The following NTM variants were observed in gnomAD, a reference collection of about 807,000 sequenced individuals.
NTM encodes the protein IgLON family member 2.
A neutral mutation model predicts 42.1 loss-of-function variants in NTM; 13 were observed. The observed-to-expected ratio is 0.31, with a 90% CI of 0.20 to 0.49. The LOEUF is 0.49. Ranked by LOEUF, NTM falls within the 20% of genes least tolerant of loss-of-function variation. The pLI is 0.99. For synonymous variants in NTM, 187 were observed against 179.2 expected, an observed-to-expected ratio of 1.04 and a Z score of -0.35; for missense variants, 373 against 452.8, an observed-to-expected ratio of 0.82 and a Z score of 1.60.
intron 1 of NTM, among the ~76,000 whole-genome samples, chr11:131,822,658 A>T (rs147602912): frequency 0.014 from 2,143 of 152,274 alleles, 48 homozygotes; most frequent in African/African-American, 0.048. Context: ...TCATGGTGTC[A>T]ATGTAATGTG....
In NTM at chr11:132,314,571, G is replaced by A. The variant is rs1377376069; in HGVS notation, c.802G>A (p.Gly268Arg). The A allele has an allele frequency of 6.2e-7, 1 of 1,612,618 alleles. No homozygotes were observed. Among genetic ancestry groups the A allele is most frequent in the Non-Finnish European group, 8.5e-7 (1 of 1,179,394 alleles). ...TCTCAGACTGATTGAAGGAAAGAAA[G>A]GGGTGAAAGTGGAAAACAGACCTTT... Reference protein sequence around the residue: ...DDKRLIEGKKGVKVENRPFLS... With the variant: ...DDKRLIEGKKRVKVENRPFLS... The change falls in exon 7 of 9, where the codon GGG becomes AGG. Residue 268 changes from glycine to arginine, a missense_variant. Coordinates refer to ENST00000683400, the MANE Select transcript of NTM (RefSeq NM_001352005.2).
intron 1 of NTM, among the ~76,000 whole-genome samples, chr11:131,523,152 A>C (rs1347082379): frequency 6.6e-6 from 1 of 152,222 alleles, no homozygotes; most frequent in Non-Finnish European, 1.5e-5. Context: ...CTAAGTGGCC[A>C]GGGAGCATGA....
intron 1 of NTM, among the ~76,000 whole-genome samples, chr11:131,495,166 T>G (rs1955204223): frequency 6.6e-6 from 1 of 152,134 alleles, no homozygotes; most frequent in South Asian, 2.1e-4. Context: ...CCACTTTCAC[T>G]GTTTTTGGGT....
At chr11:131,583,320 C>T (rs1423700230) in intron 1 of NTM, among the ~76,000 whole-genome samples, 1 of 152,180 alleles carries the variant, frequency 6.6e-6, no homozygotes, top group Non-Finnish European at 1.5e-5. Flanking sequence ...CCCCAATATA[C>T]TGCACACATT....
intron 2 of NTM, among the ~76,000 whole-genome samples, chr11:132,019,049 A>G (rs899568385): frequency 2.0e-5 from 3 of 151,922 alleles, no homozygotes; most frequent in Non-Finnish European, 2.9e-5. Flanking sequence ...GAAAACGTAG[A>G]GTCTTTACTA....
At chr11:132,176,730 T>TTTTTG (rs1401148247) in intron 3 of NTM, among the ~76,000 whole-genome samples, 1 of 140,932 alleles carries the variant, frequency 7.1e-6, no homozygotes, top group Non-Finnish European at 1.5e-5. Context: ...AAGTTTTTTT[T>TTTTTG]TTTTTTTTTT....
intron 1 of NTM, among the ~76,000 whole-genome samples, chr11:131,793,989 A>G (rs1013153292): frequency 1.3e-5 from 2 of 152,226 alleles, no homozygotes; most frequent in African/African-American, 4.8e-5. Context: ...CTCAATATTT[A>G]TCATTTTTCT....
At chr11:132,207,566 C>T (rs1469187688) in intron 3 of NTM, among the ~76,000 whole-genome samples, 1 of 152,118 alleles carries the variant, frequency 6.6e-6, no homozygotes, top group Non-Finnish European at 1.5e-5. Flanking sequence ...GAAACCATTC[C>T]TTCCCGCATC....
chr11:131,412,382 C>A (rs1436343365), intron 1 of NTM, among the ~76,000 whole-genome samples: 1 of 152,122 alleles, frequency 6.6e-6, no homozygotes, highest in Non-Finnish European at 1.5e-5. Flanking sequence ...AAGGAAGGAG[C>A]AAACTAAGGA....
intron 1 of NTM, among the ~76,000 whole-genome samples, chr11:131,694,758 T>C (rs1043275575): frequency 2.6e-5 from 4 of 152,088 alleles, no homozygotes; most frequent in Non-Finnish European, 5.9e-5. Context: ...GCCAAGACCA[T>C]GAGCTTTGCG....
chr11:131,633,957 A>C (rs946173343), intron 1 of NTM, among the ~76,000 whole-genome samples: 3 of 152,128 alleles, frequency 2.0e-5, no homozygotes, highest in African/African-American at 7.2e-5. Context: ...CAGACAATGC[A>C]TATTAGGGCA....
intron 1 of NTM, among the ~76,000 whole-genome samples, chr11:131,566,269 G>A (rs2056872327): frequency 6.6e-6 from 1 of 152,174 alleles, no homozygotes; most frequent in African/African-American, 2.4e-5. Context: ...GTTGACAGAT[G>A]CATTTGTCTG....
intron 1 of NTM, among the ~76,000 whole-genome samples, chr11:131,426,917 C>A (rs1029580521): frequency 6.6e-6 from 1 of 152,156 alleles, no homozygotes; most frequent in Admixed American, 6.5e-5. Flanking sequence ...AGCCTTAGAT[C>A]TCCCTCTTAT....
At chr11:131,630,155 A>C (rs2063512069) in intron 1 of NTM, among the ~76,000 whole-genome samples, 1 of 152,194 alleles carries the variant, frequency 6.6e-6, no homozygotes. Flanking sequence ...CCGGCAAAGG[A>C]GGTCGGGCCA....
chr11:131,947,921 A>G (rs183733103), intron 2 of NTM, among the ~76,000 whole-genome samples: 302 of 152,328 alleles, frequency 2.0e-3, no homozygotes, highest in African/African-American at 6.9e-3. Flanking sequence ...TAAGCACACA[A>G]TAACCATTGG....
At chr11:131,713,184 A>G (rs1488531140) in intron 1 of NTM, among the ~76,000 whole-genome samples, 1 of 151,940 alleles carries the variant, frequency 6.6e-6, no homozygotes, top group Admixed American at 6.6e-5. Flanking sequence ...AGAAATGCAA[A>G]TGTTTAGAGC....
chr11:132,238,790 G>A (rs2089608843), intron 4 of NTM, among the ~76,000 whole-genome samples: 1 of 152,158 alleles, frequency 6.6e-6, no homozygotes, highest in Non-Finnish European at 1.5e-5. Context: ...TGAGGACTTT[G>A]TTAAAGTGCA....
intron 4 of NTM, among the ~76,000 whole-genome samples, chr11:132,302,719 C>A (rs996865377): frequency 6.6e-6 from 1 of 152,170 alleles, no homozygotes; most frequent in African/African-American, 2.4e-5. Context: ...CCCCTGTGTG[C>A]AGCACAAGAC....
chr11:132,287,100 G>T (rs1784545067), intron 4 of NTM, among the ~76,000 whole-genome samples: 1 of 152,212 alleles, frequency 6.6e-6, no homozygotes, highest in Non-Finnish European at 1.5e-5. Context: ...CGATGGCAGA[G>T]AATGTGCTGT....
Sources: allele counts gnomAD v4.1 joint callset (sites outside exome capture counted in the v4.1 genomes callset), GRCh38; gene constraint gnomAD v4.1.1; transcripts MANE v1.5; gene names NCBI Gene and HGNC (gene_info 2026-07-23, HGNC 2026-07-21).